AFG1L: variants seen among roughly 807,000 people sequenced by gnomAD.
The protein encoded by AFG1L is AFG1-like ATPase.
Under a neutral mutation model 62.2 loss-of-function variants are expected in AFG1L, and 53 were observed. That is an observed-to-expected ratio of 0.85 (90% CI 0.68 to 1.07). The LOEUF (loss-of-function observed/expected upper bound fraction) is 1.07. Ranked by LOEUF, AFG1L falls within the 50% of genes least tolerant of loss-of-function variation. The pLI is 0.00. For synonymous variants in AFG1L, 228 were observed against 210.3 expected, an observed-to-expected ratio of 1.08 and a Z score of -0.73; for missense variants, 555 against 590.5, an observed-to-expected ratio of 0.94 and a Z score of 0.62.
chr6:108,440,215 G>C (rs974531426), intron 7 of AFG1L, among the ~76,000 whole-genome samples: 2 of 151,988 alleles, frequency 1.3e-5, no homozygotes, highest in South Asian at 2.1e-4. Context: ...GTCTCATTCT[G>C]TTGCCCAGGC....
Position 108,437,708 on chromosome 6 carries a change from A to G in AFG1L, c.808-9506A>G, listed in dbSNP as rs569443614. On this transcript the variant is annotated intron_variant, in intron 7 of 12. Coordinates refer to ENST00000368977, the MANE Select transcript of AFG1L (RefSeq NM_145315.5). ...AGGAAATAATATAAAATCATATTGT[A>G]TGGCCCCCAGAAGAGTAATTAGTAT... Among the ~76,000 whole-genome samples the G allele has an allele frequency of 4.6e-5, 7 of 152,344 alleles. No homozygotes were observed. The South Asian group carries it at 1.5e-3, about 32-fold the overall frequency.
At chr6:108,415,811 A>C (rs1770236288) in intron 7 of AFG1L, among the ~76,000 whole-genome samples, 1 of 152,260 alleles carries the variant, frequency 6.6e-6, no homozygotes. Flanking sequence ...CTAAAACCAT[A>C]AAAACCTAGA....
chr6:108,356,260 A>G (rs1459687347), intron 4 of AFG1L, among the ~76,000 whole-genome samples: 2 of 152,164 alleles, frequency 1.3e-5, no homozygotes, highest in African/African-American at 2.4e-5. Flanking sequence ...ACACATAATG[A>G]ATGAAGTGGA....
intron 6 of AFG1L, among the ~76,000 whole-genome samples, chr6:108,377,010 G>T (rs907251649): frequency 3.3e-5 from 5 of 151,840 alleles, no homozygotes; most frequent in African/African-American, 1.2e-4. Flanking sequence ...TGTTTTTGCC[G>T]TTGTTGGTTT....
intron 10 of AFG1L, among the ~76,000 whole-genome samples, chr6:108,486,399 A>G (rs1241827272): frequency 1.3e-5 from 2 of 152,188 alleles, no homozygotes; most frequent in Non-Finnish European, 2.9e-5. Context: ...TGCCAATTAG[A>G]ATATTTAATA....
chr6:108,331,940 A>G (rs1282346948), intron 2 of AFG1L, among the ~76,000 whole-genome samples: 1 of 152,130 alleles, frequency 6.6e-6, no homozygotes, highest in Non-Finnish European at 1.5e-5. Flanking sequence ...CCTCTACCAG[A>G]TAATTTTCAG....
intron 1 of AFG1L, among the ~76,000 whole-genome samples, chr6:108,313,522 A>G (rs565579807): frequency 3.3e-5 from 5 of 152,116 alleles, no homozygotes; most frequent in Non-Finnish European, 5.9e-5. Flanking sequence ...AATCATAGAC[A>G]TTGCTTTCTC....
chr6:108,503,798 T>C (rs182091739), intron 10 of AFG1L, among the ~76,000 whole-genome samples: 1 of 152,394 alleles, frequency 6.6e-6, no homozygotes, highest in Non-Finnish European at 1.5e-5. Context: ...ATTGAAAATC[T>C]GTTGTTTAGT....
chr6:108,450,854 G>T (rs4449665), intron 8 of AFG1L, among the ~76,000 whole-genome samples: 56,510 of 151,460 alleles, frequency 0.37, 10,937 homozygotes, highest in Non-Finnish European at 0.44. Context: ...TATTAAATAG[G>T]GAATCCTTTC....
chr6:108,418,370 T>TA (rs1441713839), intron 7 of AFG1L, among the ~76,000 whole-genome samples: 1 of 152,192 alleles, frequency 6.6e-6, no homozygotes, highest in African/African-American at 2.4e-5. Flanking sequence ...AGTGGAGACT[T>TA]ACGGCTTTCA....
intron 8 of AFG1L, among the ~76,000 whole-genome samples, chr6:108,449,649 C>T (rs1414261763): frequency 2.0e-5 from 3 of 151,868 alleles, no homozygotes; most frequent in African/African-American, 7.3e-5. Flanking sequence ...TGTGCACAAC[C>T]TGCAGGTTTG....
At chr6:108,455,650 CATGTTTTATTATGTCATGT>C (rs1478519666) in intron 8 of AFG1L, among the ~76,000 whole-genome samples, 4 of 152,058 alleles carry the variant, frequency 2.6e-5, no homozygotes, top group African/African-American at 7.2e-5. Context: ...CTGCATCTCA[CATGTTTTATTATGTCATGT>C]TTTCTCTCCT....
rs1021022020 is a variant in AFG1L at position 108,399,834 on chromosome 6, A to G, written c.749-2162A>G. On this transcript the variant is annotated intron_variant, in intron 6 of 12. Transcript: ENST00000368977. ...CATTCTGTTGCCCAGGCTGGAGTGC[A>G]GTGGCAAGATCTTGGCCCACTGCAG... Among the ~76,000 whole-genome samples the G allele has an allele frequency of 3.9e-5, 5 of 127,776 alleles. No individual in the cohort carries two copies. The East Asian group carries it at 7.0e-4, about 18-fold the overall frequency. The allele number at this position is 127,776 out of a possible 152,430, so 83.8% of individuals were successfully genotyped here.
intron 7 of AFG1L, among the ~76,000 whole-genome samples, chr6:108,412,591 A>G (rs1357323725): frequency 6.6e-6 from 1 of 152,228 alleles, no homozygotes; most frequent in African/African-American, 2.4e-5. Flanking sequence ...TCAAGCCAGA[A>G]GAGAGTGGGG....
At chr6:108,336,806 T>C (rs1264768983) in intron 2 of AFG1L, among the ~76,000 whole-genome samples, 6 of 152,220 alleles carry the variant, frequency 3.9e-5, no homozygotes, top group Non-Finnish European at 7.3e-5. Context: ...TGTTTAATTT[T>C]CTCTCTAAAT....
intron 10 of AFG1L, among the ~76,000 whole-genome samples, chr6:108,502,712 C>A (rs969299292): frequency 6.6e-6 from 1 of 152,166 alleles, no homozygotes; most frequent in African/African-American, 2.4e-5. Flanking sequence ...CTGACAATTT[C>A]TTAAAATAAG....
At chr6:108,464,164 G>A (rs1218680684) in intron 8 of AFG1L, among the ~76,000 whole-genome samples, 1 of 152,182 alleles carries the variant, frequency 6.6e-6, no homozygotes, top group Non-Finnish European at 1.5e-5. Flanking sequence ...AGTGTGGGTA[G>A]CATTCTGTTC....
intron 5 of AFG1L, among the ~76,000 whole-genome samples, chr6:108,358,076 C>T (rs1255207731): frequency 3.9e-5 from 6 of 152,242 alleles, no homozygotes; most frequent in Admixed American, 1.3e-4. Context: ...GCTCTCCTGC[C>T]GCTCTGAAGA....
In AFG1L at chr6:108,524,535, C is replaced by T. The variant is rs958166416; in HGVS notation, c.*2110C>T. The T allele has an allele frequency of 2.0e-5, 3 of 152,202 alleles. No individual in the cohort carries two copies. Among genetic ancestry groups the T allele is most frequent in the Admixed American group, 2.0e-4 (3 of 15,282 alleles). 9.4% of individuals were successfully genotyped at this position (152,202 alleles called of 1,614,324 possible). ...GCCTATGTAATTCTCAGTGTAGCTT[C>T]CCTATAATGTCATTTTGGTACGAAA... is the stretch of plus-strand genomic sequence containing the variant. On this transcript the variant is annotated 3_prime_UTR_variant, in exon 13 of 13. Coordinates refer to ENST00000368977, the MANE Select transcript of AFG1L (RefSeq NM_145315.5).
Sources: allele counts gnomAD v4.1 joint callset (sites outside exome capture counted in the v4.1 genomes callset), GRCh38; gene constraint gnomAD v4.1.1; transcripts MANE v1.5; gene names NCBI Gene and HGNC (gene_info 2026-07-23, HGNC 2026-07-21).